Variants in SIL1 observed in about 807,000 individuals in gnomAD.
The protein encoded by SIL1 is SIL1 nucleotide exchange factor, also known as nucleotide exchange factor SIL1.
In SIL1, 40 loss-of-function variants were observed where a neutral mutation model predicts 49.1. The ratio of observed to expected loss-of-function variants is 0.81; its 90% CI spans 0.63 to 1.06. SIL1 has a LOEUF of 1.06. Among genes scored for constraint, SIL1 ranks in the 50% least tolerant of loss-of-function variants. The pLI, the probability that SIL1 is intolerant of heterozygous loss-of-function variation, is 0.00. For missense variants in SIL1, 500 were observed against 572.6 expected (o/e 0.87, Z 1.29); for synonymous variants, 253 against 250.8 (o/e 1.01, Z -0.08).
intron 7 of SIL1, among the ~76,000 whole-genome samples, chr5:138,974,475 T>C (rs1239546916): frequency 1.3e-5 from 2 of 152,198 alleles, no homozygotes; most frequent in African/African-American, 2.4e-5. Flanking sequence ...CCCAATTACT[T>C]GTACTGTTGA....
intron 1 of SIL1, among the ~76,000 whole-genome samples, chr5:139,187,345 C>T (rs1199758922): frequency 1.3e-5 from 2 of 151,974 alleles, no homozygotes; most frequent in African/African-American, 4.8e-5. Flanking sequence ...GGTGAAACCC[C>T]GTCTCTACTA....
chr5:139,190,807 A>G (rs751580990), intron 1 of SIL1, among the ~76,000 whole-genome samples: 15 of 152,214 alleles, frequency 9.9e-5, no homozygotes, highest in Non-Finnish European at 2.2e-4. Context: ...AAAGATCTCT[A>G]TAATATCTTC....
chr5:139,039,102 T>A lies in SIL1; in HGVS notation c.453+3518A>T, dbSNP rs143880536. Among the ~76,000 whole-genome samples the A allele has an allele frequency of 1.6e-4, 24 of 152,208 alleles. No individual in the cohort carries two copies. The East Asian group carries it at 4.6e-3, about 29-fold the overall frequency. On this transcript the variant is annotated intron_variant, in intron 5 of 9. Coordinates refer to ENST00000394817, the MANE Select transcript of SIL1 (RefSeq NM_022464.5). ...ACACCAGCAGGGGAAGCAGAGAGTATCCATTGGGCAGAGGATGAAAAGTCA... is the reference window on the plus strand; with the variant it reads ...ACACCAGCAGGGGAAGCAGAGAGTAACCATTGGGCAGAGGATGAAAAGTCA...
At chr5:138,984,372 C>CA (rs1767604677) in intron 7 of SIL1, among the ~76,000 whole-genome samples, 1 of 138,982 alleles carries the variant, frequency 7.2e-6, no homozygotes, top group Admixed American at 7.5e-5. Context: ...TTTTTTGAGA[C>CA]AGAGTCTCAC....
chr5:139,161,759 G>A (rs1751518296), intron 1 of SIL1, among the ~76,000 whole-genome samples: 1 of 152,140 alleles, frequency 6.6e-6, no homozygotes, highest in Non-Finnish European at 1.5e-5. Context: ...GCTCATGCCT[G>A]TAATCCCACC....
intron 3 of SIL1, among the ~76,000 whole-genome samples, chr5:139,088,895 T>A (rs1694164576): frequency 1.3e-5 from 2 of 152,226 alleles, no homozygotes; most frequent in Non-Finnish European, 2.9e-5. Flanking sequence ...AAAGTTTGAC[T>A]GCTTCCTCTG....
At chr5:139,031,658 G>T in intron 5 of SIL1, among the ~76,000 whole-genome samples, 1 of 152,126 alleles carries the variant, frequency 6.6e-6, no homozygotes, top group East Asian at 1.9e-4. Flanking sequence ...CTGAAATTTT[G>T]ATAGGAATTG....
chr5:139,182,184 G>T (rs528796654), intron 1 of SIL1, among the ~76,000 whole-genome samples: 5 of 152,262 alleles, frequency 3.3e-5, no homozygotes, highest in African/African-American at 1.2e-4. Context: ...CATTGCTTGG[G>T]AGCAGGCAAG....
At chr5:138,980,312 C>G (rs1767487617) in intron 7 of SIL1, among the ~76,000 whole-genome samples, 1 of 152,208 alleles carries the variant, frequency 6.6e-6, no homozygotes, top group African/African-American at 2.4e-5. Context: ...GGATCCTAGA[C>G]TTGACTGCCG....
chr5:139,159,064 G>A (rs1327164602), intron 1 of SIL1, among the ~76,000 whole-genome samples: 1 of 151,834 alleles, frequency 6.6e-6, no homozygotes, highest in Non-Finnish European at 1.5e-5. Context: ...GAGGCTACAG[G>A]GGACAAGGGG....
At chr5:139,135,072 G>A (rs928739317) in intron 1 of SIL1, among the ~76,000 whole-genome samples, 1 of 152,220 alleles carries the variant, frequency 6.6e-6, no homozygotes, top group Admixed American at 6.5e-5. Context: ...AAACAAGTTT[G>A]TAATAGTCAG....
chr5:139,026,868 T>C lies in SIL1; in HGVS notation c.578A>G (p.Asn193Ser), dbSNP rs761754008. Residue 193 changes from asparagine (N) to serine (S), a missense_variant, in exon 6 of 10, where the codon AAT becomes AGT. Asn to Ser is a conservative substitution (Grantham distance 46). Transcript: ENST00000394817. ...QIMVRLINKF[N>S]SSSSSLEEKI... is the part of the protein sequence containing the mutation. ...CTCTTCCAAACTGGAGCTGGAACTA[T>C]TGAACTTGTTGATCAGCCGTACCAT... 10 of 1,614,118 alleles carry C rather than the reference T, an allele frequency of 6.2e-6. No individual in the cohort carries two copies. Among genetic ancestry groups the C allele is most frequent in the South Asian group, 3.3e-5 (3 of 91,092 alleles).
intron 1 of SIL1, among the ~76,000 whole-genome samples, chr5:139,142,365 T>C (rs1192186859): frequency 6.6e-6 from 1 of 152,224 alleles, no homozygotes; most frequent in East Asian, 1.9e-4. Context: ...ATATCTCTTA[T>C]AATATACATG....
At chr5:138,963,273 A>G (rs948453714) in intron 7 of SIL1, among the ~76,000 whole-genome samples, 14 of 152,060 alleles carry the variant, frequency 9.2e-5, no homozygotes, top group African/African-American at 3.4e-4. Context: ...CTCAGGAAAG[A>G]GCTTCCTTCC....
At chr5:138,963,332 T>C (rs1002507568) in intron 7 of SIL1, among the ~76,000 whole-genome samples, 1 of 152,178 alleles carries the variant, frequency 6.6e-6, no homozygotes, top group Non-Finnish European at 1.5e-5. Context: ...TCACCCTCCT[T>C]GTGTTCTGTC....
intron 3 of SIL1, among the ~76,000 whole-genome samples, chr5:139,075,140 G>C (rs1346242845): frequency 1.3e-5 from 2 of 152,082 alleles, no homozygotes; most frequent in Non-Finnish European, 2.9e-5. Flanking sequence ...CTTTTTATGA[G>C]GTTATGTTTA....
chr5:139,126,322 T>C (rs980011676), intron 2 of SIL1, among the ~76,000 whole-genome samples: 1 of 152,242 alleles, frequency 6.6e-6, no homozygotes, highest in African/African-American at 2.4e-5. Flanking sequence ...AGAATAATTA[T>C]GCTCTGAAAG....
chr5:139,109,628 A>G (rs563453249), intron 3 of SIL1, among the ~76,000 whole-genome samples: 2 of 151,648 alleles, frequency 1.3e-5, no homozygotes, highest in East Asian at 3.9e-4. Context: ...AAGAGAAAAC[A>G]TAACTACTCC....
At chr5:139,091,417 G>A (rs951073725) in intron 3 of SIL1, among the ~76,000 whole-genome samples, 1 of 151,996 alleles carries the variant, frequency 6.6e-6, no homozygotes, top group Non-Finnish European at 1.5e-5. Flanking sequence ...AAACAGGCAG[G>A]TCACAGAAAA....
Sources: allele counts gnomAD v4.1 joint callset (sites outside exome capture counted in the v4.1 genomes callset), GRCh38; gene constraint gnomAD v4.1.1; transcripts MANE v1.5; gene names NCBI Gene and HGNC (gene_info 2026-07-23, HGNC 2026-07-21).